PKNOX1: variants seen among roughly 807,000 people sequenced by gnomAD.
PKNOX1 encodes the protein PBX/knotted 1 homeobox 1.
In PKNOX1, 15 loss-of-function variants were observed where a neutral mutation model predicts 51.9. That is an observed-to-expected ratio of 0.29 (90% CI 0.19 to 0.45). The LOEUF (loss-of-function observed/expected upper bound fraction) is 0.45. Among genes scored for constraint, PKNOX1 ranks in the 20% least tolerant of loss-of-function variants. The pLI is 1.00. For synonymous variants in PKNOX1, 219 were observed against 211.1 expected, an observed-to-expected ratio of 1.04 and a Z score of -0.32; for missense variants, 462 against 547.5, an observed-to-expected ratio of 0.84 and a Z score of 1.56.
intron 1 of PKNOX1, among the ~76,000 whole-genome samples, chr21:42,996,353 A>G (rs1978504744): frequency 1.3e-5 from 2 of 152,150 alleles, no homozygotes; most frequent in South Asian, 2.1e-4. Flanking sequence ...ATCAGGGTGC[A>G]GGGGGTTCTG....
chr21:43,023,078 C>T (rs1979833245), intron 8 of PKNOX1, among the ~76,000 whole-genome samples: 1 of 152,008 alleles, frequency 6.6e-6, no homozygotes, highest in Non-Finnish European at 1.5e-5. Flanking sequence ...CTCAGTCCCT[C>T]CTCACCCTCG....
intron 7 of PKNOX1, among the ~76,000 whole-genome samples, chr21:43,018,683 C>A (rs998091941): frequency 6.6e-6 from 1 of 152,200 alleles, no homozygotes; most frequent in South Asian, 2.1e-4. Context: ...ATGACAATGT[C>A]ATTGGGCCAG....
At position 43,033,568 on chromosome 21, in the gene PKNOX1, T is replaced by G. The variant is rs781615493; in HGVS notation, c.*3467T>G. Reference sequence around the variant, plus strand: ...TTTATCAAAGCAAAAAAATTAAAAATAGAAACTTGCTTTATGGATGTTTTA... The same window carrying G: ...TTTATCAAAGCAAAAAAATTAAAAAGAGAAACTTGCTTTATGGATGTTTTA... On this transcript the variant is annotated 3_prime_UTR_variant, in exon 11 of 11. Coordinates refer to ENST00000291547, the MANE Select transcript of PKNOX1 (RefSeq NM_004571.5). 29 of 152,490 alleles carry G rather than the reference T, an allele frequency of 1.9e-4. 1 individual carries two copies. The highest frequency in any genetic ancestry group is 3.9e-4 in the Admixed American group (6 of 15,278). 9.4% of individuals were successfully genotyped at this position (152,490 alleles called of 1,614,324 possible).
At chr21:43,013,763 T>G (rs890154380) in intron 5 of PKNOX1, among the ~76,000 whole-genome samples, 4 of 152,166 alleles carry the variant, frequency 2.6e-5, no homozygotes, top group Non-Finnish European at 5.9e-5. Flanking sequence ...ATTCGATGAC[T>G]CCAGGTCTCT....
intron 5 of PKNOX1, 112 bp from the exon 6 acceptor site, chr21:43,016,796 C>A: frequency 1.6e-6 from 1 of 637,604 alleles, no homozygotes; most frequent in Non-Finnish European, 2.7e-6. Context: ...TTCTTTCCCT[C>A]AAGCTTCTCT....
chr21:42,987,679 C>T (rs1272155283), intron 1 of PKNOX1, among the ~76,000 whole-genome samples: 1 of 146,924 alleles, frequency 6.8e-6, no homozygotes, highest in Non-Finnish European at 1.5e-5. Context: ...AGTGCAGTGG[C>T]GCGATCTCGG....
At position 42,991,563 on chromosome 21, in the gene PKNOX1, A is replaced by G. The variant is rs2059087147; in HGVS notation, c.-56-12763A>G. 2.0e-5 allele frequency among the ~76,000 whole-genome samples: 3 copies of G among 152,060 alleles called. No homozygotes were observed. In the South Asian group the frequency reaches 6.2e-4, roughly 31 times the overall value. On this transcript the variant is annotated intron_variant, in intron 1 of 10. Transcript: ENST00000291547. ...AACACAGTGAAATCCCGTCTCTACT[A>G]AAAATTCAAAAAAATTTAGCTGGGC...
intron 1 of PKNOX1, among the ~76,000 whole-genome samples, chr21:42,994,983 G>A (rs1893601): frequency 0.41 from 60,011 of 145,608 alleles, 12,236 homozygotes; most frequent in East Asian, 0.56. Context: ...GTGCAGTGGC[G>A]CAATCTTGAC....
rs141253574 is a variant in PKNOX1, at chr21:43,032,655, G to C, written c.*2554G>C. ...AAAAGAGAGCACTGCCTGAACCTCG[G>C]TGGCACTGGGAAGCTCTGGCCTGAG... On this transcript the variant is annotated 3_prime_UTR_variant, in exon 11 of 11. Transcript: ENST00000291547. 3.2e-3 allele frequency: 502 copies of C among 156,190 alleles called. 2 individuals carry two copies. The highest frequency in any genetic ancestry group is 0.012 in the African/African-American group (485 of 41,722). The allele number at this position is 156,190 out of a possible 1,614,324, so 9.7% of individuals were successfully genotyped here.
chr21:42,987,400 A>ATATATATATATATATATATAT (rs1239109342), intron 1 of PKNOX1, among the ~76,000 whole-genome samples: 1 of 71,212 alleles, frequency 1.4e-5, no homozygotes, highest in African/African-American at 5.5e-5. Flanking sequence ...AAAAAAAAAA[A>ATATATATATATATATATATAT]AAAAATATAT....
At chr21:42,977,046 G>A (rs904581786) in intron 1 of PKNOX1, among the ~76,000 whole-genome samples, 3 of 152,146 alleles carry the variant, frequency 2.0e-5, no homozygotes, top group South Asian at 2.1e-4. Flanking sequence ...CAGAGCCCTT[G>A]GGTGACTAGG....
chr21:43,015,759 G>A (rs747268550), intron 5 of PKNOX1, among the ~76,000 whole-genome samples: 6 of 152,096 alleles, frequency 3.9e-5, no homozygotes, highest in Non-Finnish European at 7.3e-5. Flanking sequence ...TTTGGTGTTA[G>A]CAGGGTCTAT....
rs941136733 is a variant in PKNOX1, at chr21:42,996,276, T to C, written c.-56-8050T>C. 5.9e-5 allele frequency among the ~76,000 whole-genome samples: 9 copies of C among 152,142 alleles called. No homozygotes were observed. The South Asian group carries it at 1.7e-3, about 28-fold the overall frequency. ...GGTATAGGGACTGCTGCAATGGGAT[T>C]GTGTAGTGGGGGAGACCTAGGAGCA... On this transcript the variant is annotated intron_variant, in intron 1 of 10. Transcript: ENST00000291547.
At chr21:42,975,131 G>T (rs1346311834) in intron 1 of PKNOX1, among the ~76,000 whole-genome samples, 1 of 145,456 alleles carries the variant, frequency 6.9e-6, no homozygotes, top group African/African-American at 2.5e-5. Context: ...GCCGGGGCGG[G>T]CGGCGCGCGT....
chr21:42,994,918 CT>C (rs11361350), intron 1 of PKNOX1, among the ~76,000 whole-genome samples: 19,999 of 113,096 alleles, frequency 0.18, 1,507 homozygotes, highest in African/African-American at 0.24. Flanking sequence ...TTTCTTTCTT[CT>C]TTTTTTTTTT....
At chr21:42,984,083 CGTGTGTGTGTGTGT>C (rs61381629) in intron 1 of PKNOX1, among the ~76,000 whole-genome samples, 2 of 149,824 alleles carry the variant, frequency 1.3e-5, no homozygotes, top group Admixed American at 6.7e-5. Flanking sequence ...CGTGTGTGTG[CGTGTGTGTGTGTGT>C]GTGTGTGTGT....
chr21:42,996,113 G>C (rs1366978054), intron 1 of PKNOX1, among the ~76,000 whole-genome samples: 1 of 152,080 alleles, frequency 6.6e-6, no homozygotes, highest in African/African-American at 2.4e-5. Flanking sequence ...TCCGTGGGAG[G>C]CTGAGGCAGG....
At chr21:43,025,868 C>T (rs891254907) in intron 9 of PKNOX1, among the ~76,000 whole-genome samples, 4 of 152,138 alleles carry the variant, frequency 2.6e-5, no homozygotes, top group African/African-American at 4.8e-5. Flanking sequence ...AGGTATGCTT[C>T]GGGGTTGCAT....
intron 1 of PKNOX1, among the ~76,000 whole-genome samples, chr21:43,002,375 G>A (rs1051075995): frequency 1.2e-4 from 18 of 151,610 alleles, no homozygotes; most frequent in East Asian, 5.8e-4. Flanking sequence ...CCCATTGACC[G>A]TACCTCCTCT....
Sources: allele counts gnomAD v4.1 joint callset (sites outside exome capture counted in the v4.1 genomes callset), GRCh38; gene constraint gnomAD v4.1.1; transcripts MANE v1.5; gene names NCBI Gene and HGNC (gene_info 2026-07-23, HGNC 2026-07-21).